PRDM16: variants seen among roughly 807,000 people sequenced by gnomAD.
PRDM16 encodes histone-lysine N-methyltransferase PRDM16.
PRDM16 carries 23 observed loss-of-function variants against 110.6 expected under a neutral mutation model. That is an observed-to-expected ratio of 0.21 (90% CI 0.15 to 0.29). The LOEUF is 0.29. Among genes scored for constraint, PRDM16 ranks in the 10% least tolerant of loss-of-function variants. PRDM16 has a pLI of 1.00. For synonymous variants in PRDM16, 799 were observed against 781.8 expected, an observed-to-expected ratio of 1.02 and a Z score of -0.37; for missense variants, 1,615 against 1,794.3, an observed-to-expected ratio of 0.90 and a Z score of 1.81.
At chr1:3,181,644 G>T (rs1159298689) in intron 1 of PRDM16, among the ~76,000 whole-genome samples, 2 of 115,980 alleles carry the variant, frequency 1.7e-5, no homozygotes, top group African/African-American at 7.2e-5. Flanking sequence ...TCTTACACAC[G>T]GTCTTACACA....
intron 2 of PRDM16, among the ~76,000 whole-genome samples, chr1:3,230,057 C>T (rs908427533): frequency 1.3e-5 from 2 of 152,318 alleles, no homozygotes; most frequent in South Asian, 2.1e-4. Context: ...AGGAGGAACG[C>T]GCATCCCCCT....
intron 3 of PRDM16, among the ~76,000 whole-genome samples, chr1:3,313,907 G>A (rs1039467891): frequency 2.6e-5 from 4 of 152,268 alleles, no homozygotes; most frequent in African/African-American, 4.8e-5. Flanking sequence ...AACACTGTTC[G>A]CGCCCTGGCT....
intron 1 of PRDM16, among the ~76,000 whole-genome samples, chr1:3,085,445 C>T (rs1384614607): frequency 6.6e-6 from 1 of 152,214 alleles, no homozygotes; most frequent in Non-Finnish European, 1.5e-5. Context: ...CCCAGGGCTC[C>T]CCATTCTGGC....
chr1:3,109,822 G>A (rs1027235174), intron 1 of PRDM16, among the ~76,000 whole-genome samples: 1 of 152,228 alleles, frequency 6.6e-6, no homozygotes, highest in South Asian at 2.1e-4. Flanking sequence ...ATGAGTGGCC[G>A]GTGTGTTTTT....
At chr1:3,415,849 A>G (rs1211062506) in intron 10 of PRDM16, among the ~76,000 whole-genome samples, 3 of 152,230 alleles carry the variant, frequency 2.0e-5, no homozygotes, top group African/African-American at 7.2e-5. Flanking sequence ...TTGGGCTGTC[A>G]CTTGGGCAGA....
chr1:3,189,204 C>T (rs545007591), intron 2 of PRDM16, among the ~76,000 whole-genome samples: 13 of 152,320 alleles, frequency 8.5e-5, no homozygotes, highest in East Asian at 1.9e-4. Context: ...GTTCCAGACA[C>T]GAGAAGGACC....
intron 3 of PRDM16, among the ~76,000 whole-genome samples, chr1:3,259,238 C>T (rs1178002988): frequency 2.6e-5 from 4 of 152,182 alleles, no homozygotes; most frequent in Non-Finnish European, 5.9e-5. Flanking sequence ...GAGGAGGGTC[C>T]AGGCAGGCGC....
In PRDM16 at chr1:3,436,131, A is replaced by G. The variant is rs1035601478; in HGVS notation, c.*2320A>G. 1 of 230,386 alleles carries G rather than the reference A, an allele frequency of 4.3e-6. No individual in the cohort carries two copies. The highest frequency in any genetic ancestry group is 2.2e-5 in the African/African-American group (1 of 45,148). The allele number at this position is 230,386 out of a possible 1,614,324, so 14.3% of individuals were successfully genotyped here. On this transcript the variant is annotated 3_prime_UTR_variant, in exon 17 of 17. Coordinates refer to ENST00000270722, the MANE Select transcript of PRDM16 (RefSeq NM_022114.4). ...GGGATTCTTATAAAAATTCAACCTCAGACATAAACACCCCATTTCTGTAAA... is the reference window on the plus strand; with the variant it reads ...GGGATTCTTATAAAAATTCAACCTCGGACATAAACACCCCATTTCTGTAAA...
intron 1 of PRDM16, among the ~76,000 whole-genome samples, chr1:3,144,722 C>T (rs1643613452): frequency 1.3e-5 from 2 of 152,362 alleles, no homozygotes; most frequent in South Asian, 4.1e-4. Flanking sequence ...AGCCGCCCAG[C>T]TCAGCCCCTG....
chr1:3,220,589 A>C (rs1008979632), intron 2 of PRDM16, among the ~76,000 whole-genome samples: 2 of 152,196 alleles, frequency 1.3e-5, no homozygotes, highest in Non-Finnish European at 2.9e-5. Flanking sequence ...CCTTGGCCTG[A>C]AATGCAACGG....
chr1:3,288,514 C>T (rs777489708), intron 3 of PRDM16, among the ~76,000 whole-genome samples: 8 of 152,142 alleles, frequency 5.3e-5, no homozygotes, highest in Non-Finnish European at 1.2e-4. Context: ...AGACCTGAGC[C>T]TGTGGCCAGG....
chr1:3,171,686 G>A (rs1644027394), intron 1 of PRDM16, among the ~76,000 whole-genome samples: 1 of 152,176 alleles, frequency 6.6e-6, no homozygotes, highest in Non-Finnish European at 1.5e-5. Flanking sequence ...GGCCCCTTCT[G>A]GGTTCTGGTT....
chr1:3,427,144 G>A (rs368803815), intron 14 of PRDM16, among the ~76,000 whole-genome samples: 9 of 152,220 alleles, frequency 5.9e-5, no homozygotes, highest in Non-Finnish European at 1.0e-4. Context: ...GGTGGAATTC[G>A]GATCCAGGAA....
At chr1:3,271,462 T>A (rs956449799) in intron 3 of PRDM16, among the ~76,000 whole-genome samples, 1 of 152,160 alleles carries the variant, frequency 6.6e-6, no homozygotes, top group African/African-American at 2.4e-5. Context: ...AAGAAAATGG[T>A]AGCCCTTAGG....
chr1:3,170,216 T>G (rs1165368858), intron 1 of PRDM16, among the ~76,000 whole-genome samples: 7 of 152,220 alleles, frequency 4.6e-5, no homozygotes, highest in African/African-American at 1.7e-4. Flanking sequence ...AGGGTGGCCC[T>G]GCACCTGCAG....
At chr1:3,313,437 G>C (rs562808807) in intron 3 of PRDM16, among the ~76,000 whole-genome samples, 59 of 152,338 alleles carry the variant, frequency 3.9e-4, no homozygotes, top group African/African-American at 1.4e-3. Context: ...GGGAAAAGTA[G>C]CCTGAGAGTG....
In PRDM16 at chr1:3,255,802, C is replaced by T. The variant is rs2100232996; in HGVS notation, c.438+11665C>T. On this transcript the variant is annotated intron_variant, in intron 3 of 16. Coordinates refer to ENST00000270722, the MANE Select transcript of PRDM16 (RefSeq NM_022114.4). This position sits in a 1 kb window ranked among gnomAD's most constrained non-coding sequence, Gnocchi z 4.7. ...TCCTCATCCTCCTTAGGCCTTGGCT[C>T]AGAATGAACCCATTGTCACTTGTGC... Among the ~76,000 whole-genome samples the T allele has an allele frequency of 6.8e-6, 1 of 147,424 alleles. No homozygotes were observed. Among genetic ancestry groups the T allele is most frequent in the East Asian group, 2.1e-4 (1 of 4,768 alleles).
In PRDM16 at chr1:3,437,412, C is replaced by G. The variant is rs913378003; in HGVS notation, c.*3601C>G. 4.3e-6 allele frequency: 1 copy of G among 231,784 alleles called. No homozygotes were observed. The highest frequency in any genetic ancestry group is 8.5e-6 in the Non-Finnish European group (1 of 117,142). The allele number at this position is 231,784 out of a possible 1,614,324, so 14.4% of individuals were successfully genotyped here. A position where few individuals can be genotyped will look rare whatever the true frequency, so the allele number is the denominator to read the frequency against. ...AGCACTGGATTGTGGTCCCCTGCCC[C>G]CTCTGTCCCGTCCCCCTGCCCAAGT... On this transcript the variant is annotated 3_prime_UTR_variant, in exon 17 of 17. Transcript: ENST00000270722.
chr1:3,400,098 C>T (rs1643442211), intron 5 of PRDM16, among the ~76,000 whole-genome samples: 1 of 152,218 alleles, frequency 6.6e-6, no homozygotes, highest in South Asian at 2.1e-4. Flanking sequence ...TCCCCAAAAC[C>T]CTCAGTGGGA....
Sources: allele counts gnomAD v4.1 joint callset (sites outside exome capture counted in the v4.1 genomes callset), GRCh38; gene constraint gnomAD v4.1.1; non-coding constraint Gnocchi (gnomAD v3.1); transcripts MANE v1.5; gene names NCBI Gene and HGNC (gene_info 2026-07-23, HGNC 2026-07-21).